Variants in ROBO1 observed in about 807,000 individuals in gnomAD.
ROBO1 encodes the protein roundabout homolog 1.
Under a neutral mutation model 195.9 loss-of-function variants are expected in ROBO1, and 149 were observed. The ratio of observed to expected loss-of-function variants is 0.76; its 90% confidence interval spans 0.67 to 0.87. The LOEUF (loss-of-function observed/expected upper bound fraction) is 0.87, where lower values mean the gene tolerates loss of function less well. ROBO1 is among the 40% of genes least tolerant of loss of function. ROBO1 has a pLI of 0.00. For synonymous variants in ROBO1, 816 were observed against 733.2 expected (o/e 1.11, Z -1.82); for missense variants, 1,933 against 2,068.3 (o/e 0.93, Z 1.27).
intron 1 of ROBO1, among the ~76,000 whole-genome samples, chr3:79,750,171 C>G (rs1704069332): frequency 6.6e-6 from 1 of 152,238 alleles, no homozygotes; most frequent in Admixed American, 6.5e-5. Context: ...TAAGGTTCTA[C>G]TACTCTGCTG....
chr3:79,276,416 T>G (rs1253931480), intron 2 of ROBO1, among the ~76,000 whole-genome samples: 1 of 152,026 alleles, frequency 6.6e-6, no homozygotes, highest in African/African-American at 2.4e-5. Context: ...AATATCCATA[T>G]GCAGAAGAAT....
At chr3:79,557,314 T>C (rs1942738690) in intron 2 of ROBO1, among the ~76,000 whole-genome samples, 1 of 152,182 alleles carries the variant, frequency 6.6e-6, no homozygotes, top group Non-Finnish European at 1.5e-5. Context: ...TTTATCCGTG[T>C]AAATACAGAG....
intron 1 of ROBO1, among the ~76,000 whole-genome samples, chr3:79,729,531 G>A (rs2107344747): frequency 6.6e-6 from 1 of 152,218 alleles, no homozygotes; most frequent in Admixed American, 6.5e-5. Flanking sequence ...TCCAATCCTT[G>A]GAAAAGCAAT....
Position 79,100,460 on chromosome 3 carries a change from G to A in ROBO1, c.172+24996C>T, listed in dbSNP as rs72894165. ...TTCATTAGCATGAAGAGAAGAGTGA[G>A]CAGGTTAGGAAGCTGAATTTAAAGA... is the stretch of plus-strand genomic sequence containing the variant. On this transcript the variant is annotated intron_variant, in intron 3 of 30. Transcript: ENST00000464233. Among the ~76,000 whole-genome samples the A allele has an allele frequency of 8.1e-3, 1,224 of 151,508 alleles. 13 individuals are homozygous for A. The highest frequency in any genetic ancestry group is 0.028 in the African/African-American group (1,158 of 41,340).
chr3:79,111,868 G>A (rs988435426), intron 3 of ROBO1, among the ~76,000 whole-genome samples: 1 of 152,104 alleles, frequency 6.6e-6, no homozygotes, highest in East Asian at 1.9e-4. Context: ...AGTAAATAAG[G>A]TTTAGATACC....
chr3:78,883,744 T>G (rs1352538996), intron 4 of ROBO1, among the ~76,000 whole-genome samples: 1 of 152,170 alleles, frequency 6.6e-6, no homozygotes, highest in Non-Finnish European at 1.5e-5. Context: ...AGTATAGTTT[T>G]TGTGGGTTTG....
At chr3:78,825,245 G>A (rs1219195872) in intron 4 of ROBO1, among the ~76,000 whole-genome samples, 1 of 152,148 alleles carries the variant, frequency 6.6e-6, no homozygotes, top group African/African-American at 2.4e-5. Flanking sequence ...AACATAATAT[G>A]CCAAGGAAGC....
intron 2 of ROBO1, among the ~76,000 whole-genome samples, chr3:79,396,510 G>T (rs941805582): frequency 6.6e-6 from 1 of 151,842 alleles, no homozygotes; most frequent in Non-Finnish European, 1.5e-5. Flanking sequence ...GTAAAATAAA[G>T]GTATTGGTCA....
Position 78,851,760 on chromosome 3 carries a change from T to C in ROBO1, c.499+86841A>G, listed in dbSNP as rs185375112. 5.4e-4 allele frequency among the ~76,000 whole-genome samples: 82 copies of C among 152,306 alleles called. 1 individual carries two copies. In the South Asian group the frequency reaches 9.9e-3, roughly 18 times the overall value. ...ACAAATAATACAATGAGCAAGTTAA[T>C]AGAATATTTAAGAATAAAACAACAA... On this transcript the variant is annotated intron_variant, in intron 4 of 30. Transcript: ENST00000464233.
chr3:78,914,391 A>G (rs2038431938), intron 4 of ROBO1, among the ~76,000 whole-genome samples: 1 of 152,052 alleles, frequency 6.6e-6, no homozygotes, highest in African/African-American at 2.4e-5. Flanking sequence ...TTCAAACCCT[A>G]GTTTATTCAG....
chr3:79,697,327 T>C lies in ROBO1; in HGVS notation c.-51+70425A>G, dbSNP rs1027191309. Among the ~76,000 whole-genome samples, 5 of 151,514 alleles carry C rather than the reference T, an allele frequency of 3.3e-5. No individual in the cohort carries two copies. The Admixed American group carries it at 3.3e-4, about 10-fold the overall frequency. On this transcript the variant is annotated intron_variant, in intron 1 of 30. Transcript: ENST00000464233. ...TAATCTATTCTGCAGCATAACAATGTTAATTCAAGAATTAGAGAATATTTT... is the reference window on the plus strand; with the variant it reads ...TAATCTATTCTGCAGCATAACAATGCTAATTCAAGAATTAGAGAATATTTT...
chr3:79,575,907 T>G (rs1166434493), intron 2 of ROBO1, among the ~76,000 whole-genome samples: 1 of 151,950 alleles, frequency 6.6e-6, no homozygotes, highest in Non-Finnish European at 1.5e-5. Context: ...TGTCACTGTT[T>G]GAGTAGAACC....
chr3:79,292,360 C>T (rs948434002), intron 2 of ROBO1, among the ~76,000 whole-genome samples: 3 of 152,124 alleles, frequency 2.0e-5, no homozygotes, highest in Admixed American at 6.6e-5. Flanking sequence ...TATTTGAATA[C>T]GCTTTATTTC....
intron 1 of ROBO1, among the ~76,000 whole-genome samples, chr3:79,743,760 G>A (rs1167448347): frequency 6.6e-6 from 1 of 151,670 alleles, no homozygotes; most frequent in African/African-American, 2.4e-5. Flanking sequence ...AAACTTTTTT[G>A]TTTAAAAGTA....
chr3:79,017,186 C>CA (rs1443809975), intron 3 of ROBO1, among the ~76,000 whole-genome samples: 1 of 152,176 alleles, frequency 6.6e-6, no homozygotes, highest in Non-Finnish European at 1.5e-5. Context: ...CCAGCAGGCA[C>CA]AATTCACAGG....
chr3:78,812,844 G>A (rs1300808575), intron 4 of ROBO1, among the ~76,000 whole-genome samples: 1 of 151,956 alleles, frequency 6.6e-6, no homozygotes, highest in Admixed American at 6.6e-5. Flanking sequence ...GCTAAAATAA[G>A]CTAAAATCCT....
intron 2 of ROBO1, among the ~76,000 whole-genome samples, chr3:79,288,235 A>T (rs1395438155): frequency 6.6e-6 from 1 of 152,080 alleles, no homozygotes; most frequent in Non-Finnish European, 1.5e-5. Flanking sequence ...GATACTTGTA[A>T]TTTACTATTA....
At chr3:79,441,599 A>G (rs1426357000) in intron 2 of ROBO1, among the ~76,000 whole-genome samples, 1 of 152,062 alleles carries the variant, frequency 6.6e-6, no homozygotes, top group African/African-American at 2.4e-5. Flanking sequence ...ATTCATCATT[A>G]CTCTCCTTAG....
intron 2 of ROBO1, among the ~76,000 whole-genome samples, chr3:79,170,969 A>C (rs1434513794): frequency 1.3e-5 from 2 of 151,914 alleles, no homozygotes; most frequent in Non-Finnish European, 2.9e-5. Flanking sequence ...CATGTGCTGG[A>C]TTCAGATGTA....
Sources: gnomAD v4.1 joint callset for allele counts (sites outside exome capture counted in the v4.1 genomes callset) on GRCh38, gnomAD v4.1.1 for gene constraint, MANE v1.5 for transcripts, NCBI Gene and HGNC (gene_info 2026-07-23, HGNC 2026-07-21) for gene names.